FER1L5: variants seen among roughly 807,000 people sequenced by gnomAD.
The protein encoded by FER1L5 is fer-1-like protein 5.
In FER1L5, 187 loss-of-function variants were observed where a neutral mutation model predicts 279.9. That is an observed-to-expected ratio of 0.67 (90% confidence interval 0.59 to 0.75). FER1L5 has a LOEUF of 0.75. FER1L5 is among the 30% of genes least tolerant of loss of function. FER1L5 has a pLI of 0.00. For synonymous variants in FER1L5, 921 were observed against 989.7 expected (o/e 0.93, Z 1.30); for missense variants, 2,091 against 2,594.4 (o/e 0.81, Z 4.21).
chr2:96,700,351 T>TGAA lies in FER1L5; in HGVS notation c.4950_4951insGAA (p.Val1650_His1651insGlu). The TGAA allele has an allele frequency of 6.2e-7, 1 of 1,613,374 alleles. No homozygotes were observed. Among genetic ancestry groups the TGAA allele is most frequent in the Non-Finnish European group, 8.5e-7 (1 of 1,179,826 alleles). On this transcript the variant is annotated inframe_insertion, in exon 45 of 53. Coordinates refer to ENST00000624922, the MANE Select transcript of FER1L5 (RefSeq NM_001293083.2). ...ATCCAGAGCCCAAAACCCCTACTGT[T>TGAA]CATGGTTTGGGACCCAAGAAGGAAC... is the stretch of plus-strand genomic sequence containing the variant.
At chr2:96,686,416 C>T (rs866598604) in intron 23 of FER1L5, 66 bp downstream of exon 23, 1 of 1,492,234 alleles carries the variant, frequency 6.7e-7, no homozygotes, top group Middle Eastern at 1.9e-4. Context: ...GCCCCCTGAA[C>T]TCGCAGGGCA....
chr2:96,680,019 C>T (rs138597049), intron 19 of FER1L5, among the ~76,000 whole-genome samples: 34 of 152,262 alleles, frequency 2.2e-4, no homozygotes, highest in African/African-American at 7.9e-4. Flanking sequence ...TCTGCCCCTA[C>T]TCAGCATGCT....
chr2:96,662,406 G>A, intron 13 of FER1L5, 139 bp downstream of exon 13: 1 of 792,710 alleles, frequency 1.3e-6, no homozygotes, highest in Non-Finnish European at 2.1e-6. Flanking sequence ...CCCTGCACCT[G>A]GAACTCTGTG....
rs368129517 is a variant in FER1L5, at chr2:96,703,013, G to T, written c.5433G>T (p.Lys1811Asn). The T allele has an allele frequency of 6.2e-7, 1 of 1,613,270 alleles. No individual in the cohort carries two copies. The highest frequency in any genetic ancestry group is 8.5e-7 in the Non-Finnish European group (1 of 1,179,688). ...YIWSLDATSM[K>N]FPARLIIQVW... ...GGAGCCTGGATGCCACGTCCATGAA[G>T]TTCCCAGCCCGACTTATCATCCAGG... Residue 1811 changes from lysine to asparagine, a missense_variant, in exon 49 of 53, where the codon AAG becomes AAT. Lys to Asn is a moderately conservative substitution (Grantham distance 94). Transcript: ENST00000624922.
Position 96,703,016 on chromosome 2 carries a change from C to T in FER1L5, c.5436C>T (p.Phe1812=), listed in dbSNP as rs1286158287. The part of the protein sequence containing the change: ...IWSLDATSMK[F]PARLIIQVWD... ...GCCTGGATGCCACGTCCATGAAGTT[C>T]CCAGCCCGACTTATCATCCAGGTCT... The change falls in exon 49 of 53, where the codon TTC becomes TTT. Residue 1812 remains phenylalanine (F), a synonymous_variant. Coordinates refer to ENST00000624922, the MANE Select transcript of FER1L5 (RefSeq NM_001293083.2). 1 of 1,613,202 alleles carries T rather than the reference C, an allele frequency of 6.2e-7. No individual in the cohort carries two copies. Among genetic ancestry groups the T allele is most frequent in the Admixed American group, 1.7e-5 (1 of 59,900 alleles).
In FER1L5 at chr2:96,642,890, A is replaced by T; in HGVS notation, c.54A>T (p.Leu18=). 1 of 1,551,014 alleles carries T rather than the reference A, an allele frequency of 6.4e-7. No homozygotes were observed. The highest frequency in any genetic ancestry group is 8.7e-7 in the Non-Finnish European group (1 of 1,146,710). Residue 18 remains leucine, a synonymous_variant, in exon 1 of 53, where the codon CTA becomes CTT. Transcript: ENST00000624922. The part of the protein sequence containing the change: ...SAKIDPPLAP[L]PRPCMSIDFR... ...AGATTGACCCACCACTAGCCCCACT[A>T]CCCAGGCCCTGCATGTCCATCGACT...
intron 9 of FER1L5, among the ~76,000 whole-genome samples, chr2:96,655,542 C>T (rs977427598): frequency 4.6e-5 from 7 of 152,104 alleles, no homozygotes; most frequent in Middle Eastern, 6.8e-3. Context: ...TGTTAGGAAA[C>T]GGGCACCACC....
intron 19 of FER1L5, among the ~76,000 whole-genome samples, chr2:96,681,851 G>A (rs758885200): frequency 1.1e-4 from 16 of 151,636 alleles, no homozygotes; most frequent in African/African-American, 2.7e-4. Flanking sequence ...GTGCAGTGGC[G>A]TTATCTCGGC....
intron 5 of FER1L5, 100 bp from the exon 6 acceptor site, chr2:96,650,080 C>A: frequency 1.1e-6 from 1 of 912,242 alleles, no homozygotes; most frequent in Non-Finnish European, 1.7e-6. Context: ...TGCTTTTAGT[C>A]AGGAGATGGT....
At chr2:96,672,341 G>C (rs950563154) in intron 18 of FER1L5, among the ~76,000 whole-genome samples, 2 of 152,268 alleles carry the variant, frequency 1.3e-5, no homozygotes, top group East Asian at 1.9e-4. Flanking sequence ...CTCCCAAACT[G>C]CTGGGATTAC....
chr2:96,686,857 A>C (rs77081921), intron 23 of FER1L5, among the ~76,000 whole-genome samples: 1 of 124,082 alleles, frequency 8.1e-6, no homozygotes, highest in Non-Finnish European at 1.7e-5. Flanking sequence ...CTCCGTCTCA[A>C]AAAAAAAAAA....
chr2:96,672,660 A>ATGTG (rs140636948), intron 18 of FER1L5, among the ~76,000 whole-genome samples: 37,436 of 148,138 alleles, frequency 0.25, 5,516 homozygotes, highest in Non-Finnish European at 0.35. Flanking sequence ...GGGAGTATGA[A>ATGTG]TGTGTGTGTG....
chr2:96,701,852 CACA>C, intron 45 of FER1L5, 100 bp from the exon 46 acceptor site: 1 of 1,110,004 alleles, frequency 9.0e-7, no homozygotes, highest in South Asian at 1.4e-5. Flanking sequence ...GTGTTGGGAA[CACA>C]ACCTCAACAG....
At position 96,650,042 on chromosome 2, in the gene FER1L5, A is replaced by G. The variant is rs529085755; in HGVS notation, c.395-138A>G. On this transcript the variant is annotated intron_variant, in intron 5 of 52. Coordinates refer to ENST00000624922, the MANE Select transcript of FER1L5 (RefSeq NM_001293083.2). Reference sequence around the variant, plus strand: ...CCCATGGTAATGTTCTGGGGAGGACATATGTCACTGTTGGGGCCTCTTGGC... The same window carrying G: ...CCCATGGTAATGTTCTGGGGAGGACGTATGTCACTGTTGGGGCCTCTTGGC... 4.4e-6 allele frequency: 3 copies of G among 683,870 alleles called. No homozygotes were observed. The South Asian group carries it at 5.3e-5, about 12-fold the overall frequency. 42.4% of individuals were successfully genotyped at this position (683,870 alleles called of 1,614,324 possible). A position where few individuals can be genotyped will look rare whatever the true frequency, so the allele number is the denominator to read the frequency against.
At chr2:96,646,352 C>T (rs747041075) in intron 1 of FER1L5, 49 bp from the exon 2 acceptor site, 3 of 1,545,056 alleles carry the variant, frequency 1.9e-6, no homozygotes, top group South Asian at 1.2e-5. Flanking sequence ...CCAACCCAGA[C>T]GTTGAAATAT....
rs1558853189 is a variant in FER1L5 at position 96,659,340 on chromosome 2, TC to T, written c.748-999del. Among the ~76,000 whole-genome samples the T allele has an allele frequency of 6.1e-4, 51 of 83,394 alleles. 1 individual carries two copies. Among genetic ancestry groups the T allele is most frequent in the Admixed American group, 7.9e-4 (5 of 6,298 alleles). 54.7% of individuals were successfully genotyped at this position (83,394 alleles called of 152,430 possible). On this transcript the variant is annotated intron_variant, in intron 9 of 52. Coordinates refer to ENST00000624922, the MANE Select transcript of FER1L5 (RefSeq NM_001293083.2). ...TTCCTTCCTTCCTTCCTTCCTTCCTTCCTTCCTTCCTTCCTTCCTTCCTTCT... is the reference window on the plus strand; with the variant it reads ...TTCCTTCCTTCCTTCCTTCCTTCCTTCTTCCTTCCTTCCTTCCTTCCTTCT...
chr2:96,695,571 C>CG lies in FER1L5; in HGVS notation c.3808dup (p.Glu1270GlyfsTer22), dbSNP rs1558921802. 6.3e-7 allele frequency: 1 copy of CG among 1,594,064 alleles called. No homozygotes were observed. The highest frequency in any genetic ancestry group is 1.1e-5 in the South Asian group (1 of 87,692). On this transcript the variant is annotated frameshift_variant, in exon 35 of 53. Coordinates refer to ENST00000624922, the MANE Select transcript of FER1L5 (RefSeq NM_001293083.2). LOFTEE classifies it high-confidence loss of function. Reference sequence around the variant, plus strand: ...GCTCCCCCCAGCTCCTGGTGGAATTCGGGGAAGAGTCCCTGAGGACAGAAC... The same window carrying CG: ...GCTCCCCCCAGCTCCTGGTGGAATTCGGGGGAAGAGTCCCTGAGGACAGAAC...
Position 96,689,495 on chromosome 2 carries a change from C to T in FER1L5, c.2525+119C>T. 7 of 1,481,120 alleles carry T rather than the reference C, an allele frequency of 4.7e-6. No individual in the cohort carries two copies. The highest frequency in any genetic ancestry group is 2.2e-4 in the Middle Eastern group (1 of 4,536). The allele number at this position is 1,481,120 out of a possible 1,614,324, so 91.7% of individuals were successfully genotyped here. A position where few individuals can be genotyped will look rare whatever the true frequency, so the allele number is the denominator to read the frequency against. On this transcript the variant is annotated intron_variant, in intron 25 of 52. Coordinates refer to ENST00000624922, the MANE Select transcript of FER1L5 (RefSeq NM_001293083.2). This position sits in a 1 kb window ranked among gnomAD's most constrained non-coding sequence, Gnocchi z 4.6. ...AGCCTGGTGCCAGAGGGCCGAGGTG[C>T]ACCAGGCCAAGGGCCCTGCCCACCA...
At chr2:96,657,554 C>T (rs1022504955) in intron 9 of FER1L5, among the ~76,000 whole-genome samples, 3 of 152,158 alleles carry the variant, frequency 2.0e-5, no homozygotes, top group African/African-American at 7.2e-5. Context: ...TCTGATGGAC[C>T]TTGGGAATCA....
Sources: gnomAD v4.1 joint callset for allele counts (sites outside exome capture counted in the v4.1 genomes callset) on GRCh38, gnomAD v4.1.1 for gene constraint, Gnocchi (gnomAD v3.1) non-coding constraint, MANE v1.5 for transcripts, NCBI Gene and HGNC (gene_info 2026-07-23, HGNC 2026-07-21) for gene names.